Variants in PPP1R9A observed in about 807,000 individuals in gnomAD.
The protein encoded by PPP1R9A is protein phosphatase 1 regulatory subunit 9A, also known as neurabin-1.
PPP1R9A carries 59 observed loss-of-function variants against 141.9 expected under a neutral mutation model. That is an observed-to-expected ratio of 0.42 (90% CI 0.34 to 0.52). PPP1R9A has a LOEUF of 0.52. Among genes scored for constraint, PPP1R9A ranks in the 20% least tolerant of loss-of-function variants. The probability of loss-of-function intolerance (pLI) is 0.10; values close to 1 mark genes in which losing one functional copy is unlikely to be tolerated. For synonymous variants in PPP1R9A, 500 were observed against 569.7 expected, an observed-to-expected ratio of 0.88 and a Z score of 1.74; for missense variants, 1,444 against 1,611.9, an observed-to-expected ratio of 0.90 and a Z score of 1.78.
chr7:94,921,998 A>G (rs1036210539), intron 2 of PPP1R9A, among the ~76,000 whole-genome samples: 1 of 151,900 alleles, frequency 6.6e-6, no homozygotes. Context: ...CCCGAAATCT[A>G]TGATTTTCAT....
At chr7:94,937,356 T>C (rs1239549860) in intron 2 of PPP1R9A, among the ~76,000 whole-genome samples, 1 of 152,206 alleles carries the variant, frequency 6.6e-6, no homozygotes, top group Non-Finnish European at 1.5e-5. Context: ...ATTTATTCAT[T>C]GTTATATCCT....
chr7:95,178,211 G>A (rs1252138186), intron 5 of PPP1R9A, among the ~76,000 whole-genome samples: 1 of 152,002 alleles, frequency 6.6e-6, no homozygotes, highest in Non-Finnish European at 1.5e-5. Flanking sequence ...AATAAAGCTG[G>A]AAATCAACTC....
intron 4 of PPP1R9A, among the ~76,000 whole-genome samples, chr7:95,137,486 T>C (rs1584896191): frequency 6.7e-6 from 1 of 149,252 alleles, no homozygotes; most frequent in Non-Finnish European, 1.5e-5. Flanking sequence ...TTTTAGTTAA[T>C]GTGAGGATGT....
At chr7:94,941,219 A>G (rs971744524) in intron 2 of PPP1R9A, among the ~76,000 whole-genome samples, 1 of 152,194 alleles carries the variant, frequency 6.6e-6, no homozygotes, top group African/African-American at 2.4e-5. Flanking sequence ...GCAGAGATCA[A>G]ACAGGACAAA....
Position 95,290,779 on chromosome 7 carries a change from C to T in PPP1R9A, c.*476C>T, listed in dbSNP as rs945179162. On this transcript the variant is annotated 3_prime_UTR_variant, in exon 20 of 20. Coordinates refer to ENST00000433360, the MANE Select transcript of PPP1R9A (RefSeq NM_001166160.2). ...GTACTTAACTTCTAGGACTGCAACA[C>T]CTACTCCAATGTGTGGGAAAGATTT... 2 of 163,718 alleles carry T rather than the reference C, an allele frequency of 1.2e-5. No individual in the cohort carries two copies. Among genetic ancestry groups the T allele is most frequent in the African/African-American group, 4.8e-5 (2 of 41,650 alleles). 10.1% of individuals were successfully genotyped at this position (163,718 alleles called of 1,614,324 possible). A position where few individuals can be genotyped will look rare whatever the true frequency, so the allele number is the denominator to read the frequency against.
chr7:94,930,578 A>AGTTTT (rs1794034804), intron 2 of PPP1R9A, among the ~76,000 whole-genome samples: 1 of 151,988 alleles, frequency 6.6e-6, no homozygotes, highest in Non-Finnish European at 1.5e-5. Context: ...ACCTCAAGTG[A>AGTTTT]TTTTGCCCGC....
At chr7:95,082,762 ATTTCTTTTTTTT>A (rs1408995743) in intron 2 of PPP1R9A, among the ~76,000 whole-genome samples, 1 of 95,864 alleles carries the variant, frequency 1.0e-5, no homozygotes, top group African/African-American at 3.8e-5. Context: ...GGTGGAAGGG[ATTTCTTTTTTTT>A]TTTTTTTTTT....
chr7:95,189,646 C>T (rs1835189296), intron 5 of PPP1R9A, among the ~76,000 whole-genome samples: 1 of 151,592 alleles, frequency 6.6e-6, no homozygotes, highest in African/African-American at 2.4e-5. Flanking sequence ...CCATTTTAGC[C>T]GGGATGGTCT....
At chr7:95,099,822 A>G (rs1260014631) in intron 2 of PPP1R9A, among the ~76,000 whole-genome samples, 5 of 152,176 alleles carry the variant, frequency 3.3e-5, no homozygotes, top group Admixed American at 6.5e-5. Flanking sequence ...TAAAATAAAA[A>G]AATACTTTTC....
intron 2 of PPP1R9A, among the ~76,000 whole-genome samples, chr7:95,058,995 G>A (rs979146969): frequency 6.6e-6 from 1 of 151,988 alleles, no homozygotes; most frequent in African/African-American, 2.4e-5. Context: ...TCACCATGGT[G>A]GCCAGGCTGG....
At chr7:94,909,800 C>T (rs1427316220) in intron 1 of PPP1R9A, 98 bp from the exon 2 acceptor site, 1 of 182,352 alleles carries the variant, frequency 5.5e-6, no homozygotes, top group Non-Finnish European at 1.1e-5. Flanking sequence ...CTGTTTGCCA[C>T]GTGGCTAAGC....
At position 95,290,081 on chromosome 7, in the gene PPP1R9A, T is replaced by C. The variant is rs764539416; in HGVS notation, c.3913-10T>C. ...TTCAAATTCAGTTTGTGTGTGTGTT[T>C]CTTTCTTAGGCTCTTGGAATGACAG... On this transcript the variant is annotated splice_polypyrimidine_tract_variant and intron_variant, in intron 19 of 19. Transcript: ENST00000433360. 2 of 1,612,046 alleles carry C rather than the reference T, an allele frequency of 1.2e-6. No homozygotes were observed. The highest frequency in any genetic ancestry group is 1.3e-5 in the African/African-American group (1 of 74,728).
At chr7:95,096,637 G>A (rs1327878911) in intron 2 of PPP1R9A, among the ~76,000 whole-genome samples, 1 of 152,042 alleles carries the variant, frequency 6.6e-6, no homozygotes, top group Admixed American at 6.6e-5. Context: ...GACTCTGCAT[G>A]GCATGTGGAT....
intron 2 of PPP1R9A, among the ~76,000 whole-genome samples, chr7:94,952,248 C>A (rs1288968251): frequency 1.3e-5 from 2 of 152,144 alleles, no homozygotes; most frequent in Non-Finnish European, 2.9e-5. Flanking sequence ...ATGATGGTTT[C>A]CAGCTTCATC....
intron 2 of PPP1R9A, among the ~76,000 whole-genome samples, chr7:95,033,855 G>T (rs1389206109): frequency 2.0e-5 from 3 of 151,972 alleles, no homozygotes; most frequent in African/African-American, 7.3e-5. Context: ...GGTTTTTCTG[G>T]TCTGTCCCAT....
chr7:95,181,157 CTG>C (rs1490804495), intron 5 of PPP1R9A, among the ~76,000 whole-genome samples: 1 of 145,762 alleles, frequency 6.9e-6, no homozygotes, highest in African/African-American at 2.5e-5. Context: ...GATATAGAAA[CTG>C]TGATATATAT....
At chr7:95,054,509 CTT>C (rs1032847765) in intron 2 of PPP1R9A, among the ~76,000 whole-genome samples, 2 of 152,048 alleles carry the variant, frequency 1.3e-5, no homozygotes, top group African/African-American at 2.4e-5. Flanking sequence ...AATTAGAACT[CTT>C]TTGAGAGTAA....
chr7:95,012,748 T>C (rs1217889630), intron 2 of PPP1R9A, among the ~76,000 whole-genome samples: 2 of 152,098 alleles, frequency 1.3e-5, no homozygotes, highest in Non-Finnish European at 2.9e-5. Context: ...CACCTTCTTA[T>C]AAAAGGCAGG....
chr7:95,143,833 C>T (rs1248874702), intron 4 of PPP1R9A, among the ~76,000 whole-genome samples: 2 of 151,748 alleles, frequency 1.3e-5, no homozygotes, highest in Non-Finnish European at 2.9e-5. Context: ...TGTCCCAAAT[C>T]GTCTTTTAAT....
Sources: gnomAD v4.1 joint callset for allele counts (sites outside exome capture counted in the v4.1 genomes callset) on GRCh38, gnomAD v4.1.1 for gene constraint, MANE v1.5 for transcripts, NCBI Gene and HGNC (gene_info 2026-07-23, HGNC 2026-07-21) for gene names.